The following MAP2K1 variants were observed in gnomAD, a reference collection of about 807,000 sequenced individuals.
The protein encoded by MAP2K1 is mitogen-activated protein kinase kinase 1, also known as dual specificity mitogen-activated protein kinase kinase 1.
Under a neutral mutation model 46.3 loss-of-function variants are expected in MAP2K1, and 16 were observed. That is an observed-to-expected ratio of 0.35 (90% CI 0.23 to 0.52). The LOEUF (loss-of-function observed/expected upper bound fraction) is 0.52, where lower values mean the gene tolerates loss of function less well. MAP2K1 is among the 20% of genes least tolerant of loss of function. MAP2K1 has a pLI of 0.94. For missense variants in MAP2K1, 263 were observed against 497.1 expected (o/e 0.53, Z 4.48); for synonymous variants, 183 against 185.6 (o/e 0.99, Z 0.11).
At chr15:66,458,175 G>GT (rs1389567638) in intron 5 of MAP2K1, among the ~76,000 whole-genome samples, 3 of 152,100 alleles carry the variant, frequency 2.0e-5, no homozygotes, top group Non-Finnish European at 4.4e-5. Context: ...AGTTAAAAAG[G>GT]GTTGGAGGTG....
chr15:66,449,592 A>G (rs1273701979), intron 5 of MAP2K1, among the ~76,000 whole-genome samples: 1 of 152,242 alleles, frequency 6.6e-6, no homozygotes, highest in African/African-American at 2.4e-5. Flanking sequence ...TTAAAATGGT[A>G]ACTGTAGGCT....
rs77709007 is a variant in MAP2K1 at position 66,406,001 on chromosome 15, T to C, written c.80+18574T>C. Among the ~76,000 whole-genome samples the C allele has an allele frequency of 9.8e-5, 15 of 152,360 alleles. No individual in the cohort carries two copies. The East Asian group carries it at 2.9e-3, about 29-fold the overall frequency. On this transcript the variant is annotated intron_variant, in intron 1 of 10. Transcript: ENST00000307102. ...GCAGCTGCCTATTATTTGCCATTGATTCAAATGGCATTTATGTTAGAGTCA... is the reference window on the plus strand; with the variant it reads ...GCAGCTGCCTATTATTTGCCATTGACTCAAATGGCATTTATGTTAGAGTCA...
chr15:66,432,892 TAC>T lies in MAP2K1; in HGVS notation c.81-2131_81-2130del, dbSNP rs1351054879. Among the ~76,000 whole-genome samples, 3 of 151,810 alleles carry T rather than the reference TAC, an allele frequency of 2.0e-5. No homozygotes were observed. The East Asian group carries it at 5.8e-4, about 29-fold the overall frequency. ...ATAAATGTAAAGCACTGAGGAGAGT[TAC>T]ACAGTGTTGTGAGGAAAGCAGTTTT... On this transcript the variant is annotated intron_variant, in intron 1 of 10. Coordinates refer to ENST00000307102, the MANE Select transcript of MAP2K1 (RefSeq NM_002755.4).
intron 10 of MAP2K1, 100 bp from the exon 11 acceptor site, chr15:66,490,402 G>A: frequency 2.2e-6 from 2 of 897,338 alleles, no homozygotes; most frequent in Non-Finnish European, 3.7e-6. Context: ...TCCAAGTGCA[G>A]CACAAGCTCT....
At chr15:66,392,130 G>C (rs997165648) in intron 1 of MAP2K1, among the ~76,000 whole-genome samples, 40 of 151,950 alleles carry the variant, frequency 2.6e-4, no homozygotes, top group African/African-American at 8.0e-4. Context: ...GCCTAGAGGT[G>C]AGCCTTGTCA....
At chr15:66,454,668 A>G (rs1243863324) in intron 5 of MAP2K1, among the ~76,000 whole-genome samples, 1 of 152,054 alleles carries the variant, frequency 6.6e-6, no homozygotes, top group Non-Finnish European at 1.5e-5. Context: ...GCAGATCACA[A>G]GGTCAGCAGT....
Position 66,490,775 on chromosome 15 carries a change from A to T in MAP2K1, c.*160A>T. On this transcript the variant is annotated 3_prime_UTR_variant, in exon 11 of 11. Transcript: ENST00000307102. ...CAAGATTCTACTCTTGTCATTTTTA[A>T]TATTACTGTCTTTATTCTTATTACT... The T allele has an allele frequency of 1.4e-6, 1 of 704,302 alleles. No homozygotes were observed. The highest frequency in any genetic ancestry group is 2.3e-4 in the Middle Eastern group (1 of 4,358). 43.6% of individuals were successfully genotyped at this position (704,302 alleles called of 1,614,324 possible). A position where few individuals can be genotyped will look rare whatever the true frequency, so the allele number is the denominator to read the frequency against.
At chr15:66,484,923 A>C (rs1893001502) in intron 6 of MAP2K1, 67 bp from the exon 7 acceptor site, 6 of 1,292,442 alleles carry the variant, frequency 4.6e-6, no homozygotes, top group Middle Eastern at 2.6e-4. Context: ...ACAGAAGAGA[A>C]AATGCATTAG....
At chr15:66,430,080 A>C (rs1421229594) in intron 1 of MAP2K1, among the ~76,000 whole-genome samples, 1 of 152,126 alleles carries the variant, frequency 6.6e-6, no homozygotes, top group Non-Finnish European at 1.5e-5. Context: ...AACTTACCCA[A>C]GATCTCACAG....
chr15:66,393,038 A>ACC (rs2140518043), intron 1 of MAP2K1, among the ~76,000 whole-genome samples: 1 of 152,300 alleles, frequency 6.6e-6, no homozygotes, highest in South Asian at 2.1e-4. Flanking sequence ...AACAGTCATG[A>ACC]CCATGCCCAT....
chr15:66,411,707 G>A (rs897957874), intron 1 of MAP2K1, among the ~76,000 whole-genome samples: 4 of 152,212 alleles, frequency 2.6e-5, no homozygotes, highest in African/African-American at 9.7e-5. Flanking sequence ...GATTCACAGT[G>A]AATGTGGTGT....
chr15:66,418,091 AGGAGCTC>A (rs1273895125), intron 1 of MAP2K1, among the ~76,000 whole-genome samples: 2 of 152,242 alleles, frequency 1.3e-5, no homozygotes, highest in African/African-American at 2.4e-5. Flanking sequence ...TCCCAAGCAT[AGGAGCTC>A]AAAAGGCCCC....
Position 66,387,281 on chromosome 15 carries a change from C to A in MAP2K1, c.-67C>A, listed in dbSNP as rs2093343586. 2 of 1,368,100 alleles carry A rather than the reference C, an allele frequency of 1.5e-6. No homozygotes were observed. Among genetic ancestry groups the A allele is most frequent in the Non-Finnish European group, 1.0e-6 (1 of 982,382 alleles). The allele number at this position is 1,368,100 out of a possible 1,614,324, so 84.7% of individuals were successfully genotyped here. Reference sequence around the variant, plus strand: ...GTCCTGCGCAGCGGGCGCGGGGCAGCGCAGCGGGAGGAAGCGAGAGGTGCT... The same window carrying A: ...GTCCTGCGCAGCGGGCGCGGGGCAGAGCAGCGGGAGGAAGCGAGAGGTGCT... On this transcript the variant is annotated 5_prime_UTR_variant, in exon 1 of 11. Coordinates refer to ENST00000307102, the MANE Select transcript of MAP2K1 (RefSeq NM_002755.4).
intron 1 of MAP2K1, among the ~76,000 whole-genome samples, chr15:66,397,083 C>T (rs1246265726): frequency 7.2e-6 from 1 of 138,322 alleles, no homozygotes; most frequent in African/African-American, 2.7e-5. Flanking sequence ...CGGCTCACTG[C>T]AAGCTCCGCC....
chr15:66,489,010 C>A, intron 8 of MAP2K1: 1 of 620,200 alleles, frequency 1.6e-6, no homozygotes, highest in Non-Finnish European at 2.9e-6. Flanking sequence ...TATTTGAGAT[C>A]AGTGGTTCCA....
At position 66,463,684 on chromosome 15, in the gene MAP2K1, A is replaced by C. The variant is rs1219241708; in HGVS notation, c.569-18071A>C. Among the ~76,000 whole-genome samples, 4 of 152,330 alleles carry C rather than the reference A, an allele frequency of 2.6e-5. No individual in the cohort carries two copies. The East Asian group carries it at 7.7e-4, about 29-fold the overall frequency. ...TTTTTAGTAGAAATGGGGTTTCACC[A>C]TGTTAGCCAGGCTGGCTTCAAACTC... is the stretch of plus-strand genomic sequence containing the variant. On this transcript the variant is annotated intron_variant, in intron 5 of 10. Transcript: ENST00000307102.
intron 3 of MAP2K1, 97 bp downstream of exon 3, chr15:66,436,989 C>A (rs2140585017): frequency 2.4e-6 from 3 of 1,259,932 alleles, no homozygotes; most frequent in Non-Finnish European, 3.5e-6. Context: ...TACCTCCCTG[C>A]TGCTCCTGGG....
chr15:66,397,629 T>C (rs2093371339), intron 1 of MAP2K1, among the ~76,000 whole-genome samples: 1 of 152,212 alleles, frequency 6.6e-6, no homozygotes, highest in Non-Finnish European at 1.5e-5. Context: ...GATTTAGATA[T>C]TTCATACGCT....
At chr15:66,429,533 T>A (rs1312732079) in intron 1 of MAP2K1, among the ~76,000 whole-genome samples, 1 of 152,114 alleles carries the variant, frequency 6.6e-6, no homozygotes, top group African/African-American at 2.4e-5. Flanking sequence ...ATTCCTAGAA[T>A]TTGATTTCCT....
Sources: gnomAD v4.1 joint callset for allele counts (sites outside exome capture counted in the v4.1 genomes callset) on GRCh38, gnomAD v4.1.1 for gene constraint, MANE v1.5 for transcripts, NCBI Gene and HGNC (gene_info 2026-07-23, HGNC 2026-07-21) for gene names.